Variants in PPP1R9A observed in about 807,000 individuals in gnomAD.
PPP1R9A encodes the protein neurabin-1.
A neutral mutation model predicts 141.9 loss-of-function variants in PPP1R9A; 59 were observed. That is an observed-to-expected ratio of 0.42 (90% CI 0.34 to 0.52). The LOEUF is 0.52. Ranked by LOEUF, PPP1R9A falls within the 20% of genes least tolerant of loss-of-function variation. The pLI is 0.10. For missense variants in PPP1R9A, 1,444 were observed against 1,611.9 expected, an observed-to-expected ratio of 0.90 and a Z score of 1.78; for synonymous variants, 500 against 569.7, an observed-to-expected ratio of 0.88 and a Z score of 1.74.
chr7:94,927,637 C>T (rs1168809840), intron 2 of PPP1R9A, among the ~76,000 whole-genome samples: 1 of 152,106 alleles, frequency 6.6e-6, no homozygotes, highest in Non-Finnish European at 1.5e-5. Flanking sequence ...GTGTTGATTT[C>T]GAGCTCTGCT....
intron 12 of PPP1R9A, among the ~76,000 whole-genome samples, chr7:95,265,166 C>T (rs1045061467): frequency 6.6e-6 from 1 of 152,110 alleles, no homozygotes; most frequent in Non-Finnish European, 1.5e-5. Flanking sequence ...TATGCTTCTG[C>T]AAGTTTGCAA....
At position 95,268,686 on chromosome 7, in the gene PPP1R9A, G is replaced by A. The variant is rs568369427; in HGVS notation, c.2802G>A (p.Gly934=). ...RLYDSVSSTD[G]EDSLERKPSN... Reference sequence around the variant, plus strand: ...ATGATAGTGTTAGTTCCACAGATGGGGAGGACAGTCTAGAGAGAAAGGTGA... The same window carrying A: ...ATGATAGTGTTAGTTCCACAGATGGAGAGGACAGTCTAGAGAGAAAGGTGA... Residue 934 remains glycine, a synonymous_variant, in exon 13 of 20, where the codon GGG becomes GGA. Transcript: ENST00000433360. The A allele has an allele frequency of 3.1e-6, 5 of 1,613,038 alleles. No homozygotes were observed. The African/African-American group carries it at 5.3e-5, about 17-fold the overall frequency.
chr7:94,941,580 A>G (rs1216820320), intron 2 of PPP1R9A, among the ~76,000 whole-genome samples: 1 of 152,034 alleles, frequency 6.6e-6, no homozygotes, highest in Non-Finnish European at 1.5e-5. Flanking sequence ...TTGATATGGA[A>G]AGGTTTCAAC....
rs1438688212 is a variant in PPP1R9A, at chr7:95,270,337, A to C, written c.3124+830A>C. ...GTTATACCTTTACTTTTGGTCTATC[A>C]AGTTACCACAAAGATGATTAATTAC... On this transcript the variant is annotated intron_variant, in intron 14 of 19. Coordinates refer to ENST00000433360, the MANE Select transcript of PPP1R9A (RefSeq NM_001166160.2). 2.0e-5 allele frequency among the ~76,000 whole-genome samples: 3 copies of C among 152,160 alleles called. No individual in the cohort carries two copies. The South Asian group carries it at 6.2e-4, about 32-fold the overall frequency.
chr7:94,963,616 T>C (rs1797885123), intron 2 of PPP1R9A, among the ~76,000 whole-genome samples: 1 of 152,210 alleles, frequency 6.6e-6, no homozygotes, highest in Admixed American at 6.5e-5. Flanking sequence ...TATACCAATA[T>C]TTAGTTCCTT....
At chr7:94,953,494 A>G (rs1317498570) in intron 2 of PPP1R9A, among the ~76,000 whole-genome samples, 1 of 152,154 alleles carries the variant, frequency 6.6e-6, no homozygotes, top group Non-Finnish European at 1.5e-5. Flanking sequence ...AATTCTGTGA[A>G]GAAAGTCAAT....
At chr7:95,116,681 T>A (rs1821583280) in intron 3 of PPP1R9A, among the ~76,000 whole-genome samples, 1 of 152,088 alleles carries the variant, frequency 6.6e-6, no homozygotes, top group Admixed American at 6.6e-5. Flanking sequence ...CAGTATTAAA[T>A]TTTTTTGGTA....
At chr7:94,947,081 A>G (rs1795974443) in intron 2 of PPP1R9A, among the ~76,000 whole-genome samples, 1 of 152,180 alleles carries the variant, frequency 6.6e-6, no homozygotes, top group East Asian at 1.9e-4. Flanking sequence ...GATTTGGCAC[A>G]GTACTTGAAT....
intron 5 of PPP1R9A, among the ~76,000 whole-genome samples, chr7:95,180,469 T>C (rs1215781743): frequency 2.0e-5 from 3 of 151,892 alleles, no homozygotes; most frequent in African/African-American, 7.2e-5. Context: ...TTAGGCAGTT[T>C]TGGGTTTCAT....
chr7:95,218,198 A>G (rs1314443757), intron 7 of PPP1R9A, among the ~76,000 whole-genome samples: 3 of 152,088 alleles, frequency 2.0e-5, no homozygotes, highest in East Asian at 1.9e-4. Flanking sequence ...AAAGAACATC[A>G]TTATTTCTGC....
rs1806663341 is a variant in PPP1R9A, at chr7:95,293,612, A to G, written c.*3309A>G. ...AAAGTGGCAAGAGGGAAAATGAGGA[A>G]CCAGATTTACCTTTGCCACTATCTG... On this transcript the variant is annotated 3_prime_UTR_variant, in exon 20 of 20. Coordinates refer to ENST00000433360, the MANE Select transcript of PPP1R9A (RefSeq NM_001166160.2). 1 of 152,206 alleles carries G rather than the reference A, an allele frequency of 6.6e-6. No homozygotes were observed. The highest frequency in any genetic ancestry group is 2.4e-5 in the African/African-American group (1 of 41,466). 9.4% of individuals were successfully genotyped at this position (152,206 alleles called of 1,614,324 possible).
rs902512386 is a variant in PPP1R9A, at chr7:95,291,996, GC to G, written c.*1695del. 1 of 151,980 alleles carries G rather than the reference GC, an allele frequency of 6.6e-6. No homozygotes were observed. Among genetic ancestry groups the G allele is most frequent in the African/African-American group, 2.4e-5 (1 of 41,382 alleles). The allele number at this position is 151,980 out of a possible 1,614,324, so 9.4% of individuals were successfully genotyped here. On this transcript the variant is annotated 3_prime_UTR_variant, in exon 20 of 20. Coordinates refer to ENST00000433360, the MANE Select transcript of PPP1R9A (RefSeq NM_001166160.2). ...TTTTTAATTCTGTTTTACCCCCAAG[GC>G]CTGTTTTCTTTTCATTGCCAGAGTA...
chr7:95,065,848 A>G (rs1034286865), intron 2 of PPP1R9A, among the ~76,000 whole-genome samples: 4 of 152,036 alleles, frequency 2.6e-5, no homozygotes, highest in Admixed American at 2.6e-4. Context: ...GATAACATCT[A>G]GGTAGTCTAA....
chr7:95,241,526 T>C (rs1348470441), intron 8 of PPP1R9A, among the ~76,000 whole-genome samples: 2 of 152,122 alleles, frequency 1.3e-5, no homozygotes, highest in African/African-American at 2.4e-5. Flanking sequence ...TTGTGAGTTT[T>C]TTTGTTTTTA....
intron 4 of PPP1R9A, among the ~76,000 whole-genome samples, chr7:95,158,587 A>T (rs1829995609): frequency 6.6e-6 from 1 of 152,200 alleles, no homozygotes; most frequent in Non-Finnish European, 1.5e-5. Context: ...CTACTTACAA[A>T]TGTGGATATA....
intron 2 of PPP1R9A, among the ~76,000 whole-genome samples, chr7:95,074,090 G>T (rs28684442): frequency 6.6e-6 from 1 of 152,046 alleles, no homozygotes; most frequent in African/African-American, 2.4e-5. Flanking sequence ...ACATCTTAAT[G>T]TGTCTCAGTT....
chr7:95,124,934 A>T (rs1823299337), intron 4 of PPP1R9A, among the ~76,000 whole-genome samples: 1 of 152,062 alleles, frequency 6.6e-6, no homozygotes, highest in African/African-American at 2.4e-5. Flanking sequence ...AGTTTAAAAA[A>T]TTTGCCGTGG....
chr7:94,983,459 T>G (rs908960328), intron 2 of PPP1R9A, among the ~76,000 whole-genome samples: 7 of 152,190 alleles, frequency 4.6e-5, no homozygotes, highest in Admixed American at 4.6e-4. Flanking sequence ...TTCCTATCCA[T>G]GAGCATGGAA....
intron 4 of PPP1R9A, chr7:95,156,364 G>GAGGTCACAGCCCTGGCTCAGGT: frequency 6.6e-6 from 1 of 152,422 alleles, no homozygotes; most frequent in South Asian, 2.1e-4. Flanking sequence ...CTGGCTCAGG[G>GAGGTCACAGCCCTGGCTCAGGT]AGCTCCCAGG....
Sources: allele counts gnomAD v4.1 joint callset (sites outside exome capture counted in the v4.1 genomes callset), GRCh38; gene constraint gnomAD v4.1.1; transcripts MANE v1.5; gene names NCBI Gene and HGNC (gene_info 2026-07-23, HGNC 2026-07-21).